SLCO1A2: variants seen among roughly 807,000 people sequenced by gnomAD.
SLCO1A2 encodes solute carrier organic anion transporter family member 1A2, also known as OATP-1.
SLCO1A2 carries 67 observed loss-of-function variants against 69.0 expected under a neutral mutation model. The ratio of observed to expected loss-of-function variants is 0.97; its 90% CI spans 0.80 to 1.19. The LOEUF (loss-of-function observed/expected upper bound fraction) is 1.19. Among genes scored for constraint, SLCO1A2 ranks in the 50% most tolerant of loss-of-function variants. The pLI, the probability that SLCO1A2 is intolerant of heterozygous loss-of-function variation, is 0.00. For synonymous variants in SLCO1A2, 260 were observed against 265.9 expected (o/e 0.98, Z 0.22); for missense variants, 787 against 793.7 (o/e 0.99, Z 0.10).
chr12:21,284,297 G>A (rs140349462), intron 12 of SLCO1A2, among the ~76,000 whole-genome samples: 14,576 of 152,220 alleles, frequency 0.096, 931 homozygotes, highest in Non-Finnish European at 0.15. Context: ...CCGGTCCACA[G>A]CTCCCAGTGT....
chr12:21,340,601 C>T (rs895332271), intron 2 of SLCO1A2, among the ~76,000 whole-genome samples: 5 of 151,992 alleles, frequency 3.3e-5, no homozygotes, highest in Non-Finnish European at 7.4e-5. Flanking sequence ...TGACGTAATC[C>T]AGTGACCACA....
At chr12:21,278,241 A>G (rs1944224791) in intron 12 of SLCO1A2, among the ~76,000 whole-genome samples, 1 of 151,486 alleles carries the variant, frequency 6.6e-6, no homozygotes, top group South Asian at 2.1e-4. Flanking sequence ...ATAGAGCATA[A>G]GGTAGATTTG....
intron 4 of SLCO1A2, among the ~76,000 whole-genome samples, chr12:21,308,218 A>C (rs1478931697): frequency 6.6e-6 from 1 of 152,198 alleles, no homozygotes; most frequent in African/African-American, 2.4e-5. Flanking sequence ...AAATGACGGT[A>C]AATAGATTTT....
At chr12:21,272,811 A>G (rs1397864582) in intron 14 of SLCO1A2, among the ~76,000 whole-genome samples, 1 of 152,158 alleles carries the variant, frequency 6.6e-6, no homozygotes, top group Non-Finnish European at 1.5e-5. Flanking sequence ...TTTCTTATGA[A>G]TTACCACTAC....
At chr12:21,349,340 G>A (rs1937747603) in intron 2 of SLCO1A2, among the ~76,000 whole-genome samples, 1 of 152,058 alleles carries the variant, frequency 6.6e-6, no homozygotes, top group Admixed American at 6.6e-5. Flanking sequence ...CTGCTGAGAG[G>A]CCCAGATGAA....
At chr12:21,411,907 T>A (rs899703492) in intron 1 of SLCO1A2, among the ~76,000 whole-genome samples, 1 of 151,998 alleles carries the variant, frequency 6.6e-6, no homozygotes, top group African/African-American at 2.4e-5. Flanking sequence ...GCTCAAGAGA[T>A]CAGCCCACCT....
chr12:21,277,894 C>A (rs1416483453), intron 12 of SLCO1A2, among the ~76,000 whole-genome samples: 1 of 152,028 alleles, frequency 6.6e-6, no homozygotes, highest in African/African-American at 2.4e-5. Context: ...ATTCTGTGGC[C>A]CAGTGTGGGT....
Position 21,292,312 on chromosome 12 carries a change from G to A in SLCO1A2, c.1462C>T (p.Gln488Ter), listed in dbSNP as rs959508406. ...NMVFQNCSCI[Q>*]TSGNSSAVLG... Reference sequence around the variant, plus strand: ...ACTGCAGATGAATTTCCTGATGTTTGAATACAGCTGCAATTTTGGAACACC... The same window carrying A: ...ACTGCAGATGAATTTCCTGATGTTTAAATACAGCTGCAATTTTGGAACACC... The change falls in exon 12 of 15, where the codon CAA becomes TAA. Residue 488 changes from glutamine (Q) to a stop codon, truncating the protein, a stop_gained. Coordinates refer to ENST00000683939, the MANE Select transcript of SLCO1A2 (RefSeq NM_001386879.1). LOFTEE classifies it high-confidence loss of function. The A allele has an allele frequency of 6.2e-7, 1 of 1,607,984 alleles. No homozygotes were observed.
chr12:21,328,457 C>T (rs1952400662), intron 2 of SLCO1A2, among the ~76,000 whole-genome samples: 1 of 152,016 alleles, frequency 6.6e-6, no homozygotes, highest in African/African-American at 2.4e-5. Flanking sequence ...GCTGGACAGA[C>T]ATCAATCCTA....
chr12:21,314,845 C>T (rs1950676934), intron 3 of SLCO1A2, among the ~76,000 whole-genome samples, 164 bp from the exon 4 acceptor site: 1 of 152,042 alleles, frequency 6.6e-6, no homozygotes, highest in Non-Finnish European at 1.5e-5. Context: ...TAACACAATC[C>T]CTGCCCCGAA....
chr12:21,270,546 A>G (rs1310522466), intron 14 of SLCO1A2, among the ~76,000 whole-genome samples: 1 of 151,746 alleles, frequency 6.6e-6, no homozygotes, highest in African/African-American at 2.4e-5. Context: ...TCTGAGAATA[A>G]CTTGCATAAT....
At chr12:21,360,799 A>C (rs1938792612) in intron 2 of SLCO1A2, among the ~76,000 whole-genome samples, 1 of 152,198 alleles carries the variant, frequency 6.6e-6, no homozygotes, top group Non-Finnish European at 1.5e-5. Context: ...CTAGCACAGC[A>C]GTCTGAGATG....
At chr12:21,407,480 A>G (rs1281849443) in intron 1 of SLCO1A2, among the ~76,000 whole-genome samples, 1 of 152,104 alleles carries the variant, frequency 6.6e-6, no homozygotes, top group Non-Finnish European at 1.5e-5. Flanking sequence ...AAGCAGAAAA[A>G]TTACTTGATC....
chr12:21,282,443 C>A (rs984902098), intron 12 of SLCO1A2, among the ~76,000 whole-genome samples: 2 of 150,958 alleles, frequency 1.3e-5, no homozygotes, highest in Non-Finnish European at 3.0e-5. Context: ...CATGGCTCAA[C>A]ATAATAAAGG....
At chr12:21,331,203 G>A (rs1438820545) in intron 2 of SLCO1A2, among the ~76,000 whole-genome samples, 1 of 152,078 alleles carries the variant, frequency 6.6e-6, no homozygotes, top group Non-Finnish European at 1.5e-5. Flanking sequence ...AAGAAAGGGT[G>A]AGTGATGCCT....
Position 21,306,949 on chromosome 12 carries a change from C to A in SLCO1A2, c.375G>T (p.Leu125Phe). ...YESTVSVSGN[L>F]SSNSFLCMEN... Reference sequence around the variant, plus strand: ...CCATACACAAGAAACTGTTTGAGGACAAGTTGCCTGAAACTGAAACTGTAG... The same window carrying A: ...CCATACACAAGAAACTGTTTGAGGAAAAGTTGCCTGAAACTGAAACTGTAG... Residue 125 changes from leucine to phenylalanine, a missense_variant, in exon 5 of 15, where the codon TTG becomes TTT. Coordinates refer to ENST00000683939, the MANE Select transcript of SLCO1A2 (RefSeq NM_001386879.1). 1 of 1,613,684 alleles carries A rather than the reference C, an allele frequency of 6.2e-7. No homozygotes were observed. The highest frequency in any genetic ancestry group is 8.5e-7 in the Non-Finnish European group (1 of 1,179,744).
Position 21,279,513 on chromosome 12 carries a change from T to C in SLCO1A2, c.1611-4089A>G, listed in dbSNP as rs115268063. Among the ~76,000 whole-genome samples, 644 of 152,332 alleles carry C rather than the reference T, an allele frequency of 4.2e-3. 9 individuals are homozygous for C. The highest frequency in any genetic ancestry group is 0.015 in the African/African-American group (619 of 41,584). ...GCCAATACAACTGGCAGCAGACTTT[T>C]CGGTGGAAACCTTACAGGCCAAGAG... is the stretch of plus-strand genomic sequence containing the variant. On this transcript the variant is annotated intron_variant, in intron 12 of 14. Coordinates refer to ENST00000683939, the MANE Select transcript of SLCO1A2 (RefSeq NM_001386879.1).
chr12:21,313,576 G>T (rs1950485586), intron 4 of SLCO1A2, among the ~76,000 whole-genome samples: 1 of 152,130 alleles, frequency 6.6e-6, no homozygotes, highest in African/African-American at 2.4e-5. Flanking sequence ...ACTGAGTGTA[G>T]TGGCATGCAC....
intron 2 of SLCO1A2, among the ~76,000 whole-genome samples, chr12:21,343,746 A>G (rs1340570818): frequency 6.6e-6 from 1 of 152,128 alleles, no homozygotes; most frequent in East Asian, 1.9e-4. Flanking sequence ...AAAAATATGT[A>G]TGTTTATAAA....
Sources: gnomAD v4.1 joint callset for allele counts (sites outside exome capture counted in the v4.1 genomes callset) on GRCh38, gnomAD v4.1.1 for gene constraint, MANE v1.5 for transcripts, NCBI Gene and HGNC (gene_info 2026-07-23, HGNC 2026-07-21) for gene names.